UGGT2: variants seen among roughly 807,000 people sequenced by gnomAD.
UGGT2 encodes the protein UDP-glucose:glycoprotein glucosyltransferase 2.
UGGT2 carries 180 observed loss-of-function variants against 192.1 expected under a neutral mutation model. The observed-to-expected ratio is 0.94, with a 90% CI of 0.83 to 1.06. UGGT2 has a LOEUF of 1.06. Among genes scored for constraint, UGGT2 ranks in the 50% least tolerant of loss-of-function variants. UGGT2 has a pLI of 0.00. For missense variants in UGGT2, 1,849 were observed against 1,795.7 expected, an observed-to-expected ratio of 1.03 and a Z score of -0.54; for synonymous variants, 580 against 591.0, an observed-to-expected ratio of 0.98 and a Z score of 0.27.
At position 96,047,048 on chromosome 13, in the gene UGGT2, G is replaced by A. The variant is rs939725015; in HGVS notation, c.158+6107C>T. Among the ~76,000 whole-genome samples, 3 of 152,312 alleles carry A rather than the reference G, an allele frequency of 2.0e-5. No individual in the cohort carries two copies. The East Asian group carries it at 5.8e-4, about 29-fold the overall frequency. Reference sequence around the variant, plus strand: ...GTAGACTCCACCTCTGGGGGTCAGGGCATAACTGAACAAAAGGCAGCAGAA... The same window carrying A: ...GTAGACTCCACCTCTGGGGGTCAGGACATAACTGAACAAAAGGCAGCAGAA... On this transcript the variant is annotated intron_variant, in intron 1 of 38. Coordinates refer to ENST00000376747, the MANE Select transcript of UGGT2 (RefSeq NM_020121.4).
rs140394396 is a variant in UGGT2 at position 95,855,709 on chromosome 13, T to C, written c.4008+449A>G. On this transcript the variant is annotated intron_variant, in intron 34 of 38. Transcript: ENST00000376747. The stretch of plus-strand genomic sequence containing the variant: ...TTAAAATGCTCTTTTCCTTAAGAGA[T>C]AGAGTGATGAGAATTTGGTTATTGG... Among the ~76,000 whole-genome samples, 407 of 152,206 alleles carry C rather than the reference T, an allele frequency of 2.7e-3. 2 individuals are homozygous for C. The highest frequency in any genetic ancestry group is 9.4e-3 in the African/African-American group (392 of 41,536).
intron 22 of UGGT2, among the ~76,000 whole-genome samples, chr13:95,896,050 A>G (rs2047935322): frequency 6.6e-6 from 1 of 152,086 alleles, no homozygotes; most frequent in African/African-American, 2.4e-5. Context: ...GTACATAACA[A>G]TCATTCTAAC....
chr13:96,043,520 A>C (rs1594633874), intron 1 of UGGT2, among the ~76,000 whole-genome samples: 1 of 152,206 alleles, frequency 6.6e-6, no homozygotes, highest in African/African-American at 2.4e-5. Flanking sequence ...CTCACATCTC[A>C]ATACTAACAT....
At chr13:95,906,556 T>G (rs1157522147) in intron 20 of UGGT2, among the ~76,000 whole-genome samples, 3 of 152,130 alleles carry the variant, frequency 2.0e-5, no homozygotes, top group Non-Finnish European at 4.4e-5. Flanking sequence ...GAAGATACTT[T>G]TAAAAACTAC....
intron 7 of UGGT2, chr13:95,991,447 C>T (rs1417674232): frequency 2.9e-5 from 13 of 453,498 alleles, no homozygotes; most frequent in Middle Eastern, 3.3e-4. Flanking sequence ...ATTGAAAACA[C>T]GTATTTTCAA....
chr13:95,808,492 CT>C (rs900475411), intron 38 of UGGT2, among the ~76,000 whole-genome samples: 10 of 148,398 alleles, frequency 6.7e-5, no homozygotes, highest in South Asian at 2.1e-4. Context: ...CAGTGATTTT[CT>C]TTTTTTTTTC....
chr13:95,836,302 G>T (rs540713367), intron 37 of UGGT2, among the ~76,000 whole-genome samples: 2 of 152,080 alleles, frequency 1.3e-5, no homozygotes, highest in Non-Finnish European at 2.9e-5. Flanking sequence ...CACCTGCCTC[G>T]GCCTCTTAAA....
intron 17 of UGGT2, among the ~76,000 whole-genome samples, chr13:95,931,644 A>G (rs2049275465): frequency 6.6e-6 from 1 of 152,076 alleles, no homozygotes; most frequent in African/African-American, 2.4e-5. Flanking sequence ...GAATTCGAGC[A>G]CAGTGCTGGC....
In UGGT2 at chr13:95,931,920, T is replaced by G. The variant is rs565357968; in HGVS notation, c.1978-4584A>C. On this transcript the variant is annotated intron_variant, in intron 17 of 38. Transcript: ENST00000376747. ...GGCAGGCTGAAGGGCTCCTCGAGCA[T>G]GGCCAGAGCGGACGCCGAGGGCAAG... Among the ~76,000 whole-genome samples the G allele has an allele frequency of 1.3e-3, 193 of 152,292 alleles. 1 individual carries two copies. The highest frequency in any genetic ancestry group is 4.3e-3 in the African/African-American group (179 of 41,568).
intron 2 of UGGT2, among the ~76,000 whole-genome samples, chr13:96,028,528 C>T (rs2052733472): frequency 6.6e-6 from 1 of 152,194 alleles, no homozygotes; most frequent in South Asian, 2.1e-4. Flanking sequence ...TAATATGCCA[C>T]TTGAATCTTG....
rs752336897 is a variant in UGGT2 at position 95,890,817 on chromosome 13, T to A, written c.2958+45A>T. 1.6e-5 allele frequency: 23 copies of A among 1,470,832 alleles called. No individual in the cohort carries two copies. In the African/African-American group the frequency reaches 3.3e-4, roughly 21 times the overall value. The allele number at this position is 1,470,832 out of a possible 1,614,324, so 91.1% of individuals were successfully genotyped here. On this transcript the variant is annotated intron_variant, in intron 25 of 38. Transcript: ENST00000376747. ...TTTGAAAACAGACTTGAAAAAATTA[T>A]GAATTTAAAAACAAAAACATTTAGT...
At chr13:95,886,693 A>G (rs2047655913) in intron 26 of UGGT2, among the ~76,000 whole-genome samples, 1 of 152,186 alleles carries the variant, frequency 6.6e-6, no homozygotes, top group Non-Finnish European at 1.5e-5. Context: ...TTTCACTTAA[A>G]TTTCCCACAT....
At chr13:95,970,283 C>A (rs948688471) in intron 11 of UGGT2, 21 bp from the exon 12 acceptor site, 1 of 1,569,446 alleles carries the variant, frequency 6.4e-7, no homozygotes, top group Non-Finnish European at 8.6e-7. Flanking sequence ...AAAGAAAAAA[C>A]AGTTTTATTT....
chr13:95,949,046 TGTAA>T (rs1044970692), intron 13 of UGGT2, among the ~76,000 whole-genome samples: 26 of 152,182 alleles, frequency 1.7e-4, no homozygotes, highest in Non-Finnish European at 3.5e-4. Flanking sequence ...CTGCCATGAC[TGTAA>T]GTTTCCTGAG....
chr13:96,044,505 A>G (rs1044345551), intron 1 of UGGT2, among the ~76,000 whole-genome samples: 4 of 152,226 alleles, frequency 2.6e-5, no homozygotes, highest in Middle Eastern at 3.2e-3. Context: ...CCAAGATTAG[A>G]GCAGAACTAA....
In UGGT2 at chr13:95,860,805, T is replaced by C. The variant is rs1255313500; in HGVS notation, c.3723A>G (p.Leu1241=). The C allele has an allele frequency of 6.5e-7, 1 of 1,548,600 alleles. No homozygotes were observed. Reference sequence around the variant, plus strand: ...ATACCTACCTTAAAAAACGTTCATATAAATGACCAGAAGCAACTGAAAAAA... The same window carrying C: ...ATACCTACCTTAAAAAACGTTCATACAAATGACCAGAAGCAACTGAAAAAA... ...LNIFSVASGH[L]YERFLRIMML... is the part of the protein sequence containing the mutation. Residue 1241 remains leucine, a synonymous_variant, in exon 32 of 39, where the codon TTA becomes TTG. Coordinates refer to ENST00000376747, the MANE Select transcript of UGGT2 (RefSeq NM_020121.4).
intron 12 of UGGT2, among the ~76,000 whole-genome samples, chr13:95,965,465 A>G (rs1474863582): frequency 6.6e-6 from 1 of 151,862 alleles, no homozygotes; most frequent in Non-Finnish European, 1.5e-5. Flanking sequence ...ATTGGAAATC[A>G]TCATTCTCAG....
At chr13:95,974,215 G>A (rs1240396260) in intron 10 of UGGT2, among the ~76,000 whole-genome samples, 1 of 152,160 alleles carries the variant, frequency 6.6e-6, no homozygotes, top group Non-Finnish European at 1.5e-5. Context: ...AAGGTTCAGA[G>A]GTAAAATTTT....
intron 2 of UGGT2, among the ~76,000 whole-genome samples, chr13:96,028,025 C>T (rs2080599020): frequency 6.6e-6 from 1 of 152,226 alleles, no homozygotes; most frequent in Non-Finnish European, 1.5e-5. Flanking sequence ...TTCTTCTCAT[C>T]AGATTCCCTT....
Sources: gnomAD v4.1 joint callset for allele counts (sites outside exome capture counted in the v4.1 genomes callset) on GRCh38, gnomAD v4.1.1 for gene constraint, MANE v1.5 for transcripts, NCBI Gene and HGNC (gene_info 2026-07-23, HGNC 2026-07-21) for gene names.